RAD51B: variants seen among roughly 807,000 people sequenced by gnomAD.
RAD51B encodes the protein RAD51 paralog B.
RAD51B carries 38 observed loss-of-function variants against 42.2 expected under a neutral mutation model. That is an observed-to-expected ratio of 0.90 (90% CI 0.70 to 1.18). The LOEUF (loss-of-function observed/expected upper bound fraction) is 1.18. RAD51B is among the 50% of genes most tolerant of loss of function. The probability of loss-of-function intolerance (pLI) is 0.00; values close to 1 mark genes in which losing one functional copy is unlikely to be tolerated. For synonymous variants in RAD51B, 154 were observed against 145.2 expected (o/e 1.06, Z -0.43); for missense variants, 373 against 400.7 (o/e 0.93, Z 0.59).
intron 7 of RAD51B, among the ~76,000 whole-genome samples, chr14:68,108,370 T>C (rs1231576013): frequency 6.6e-6 from 1 of 151,970 alleles, no homozygotes. Flanking sequence ...AACACCTAAA[T>C]GTCTCTCAAC....
At chr14:67,973,424 C>A (rs755600644) in intron 7 of RAD51B, among the ~76,000 whole-genome samples, 14 of 152,026 alleles carry the variant, frequency 9.2e-5, no homozygotes, top group South Asian at 2.1e-4. Flanking sequence ...CACACACACA[C>A]AAAAAACTAT....
chr14:67,917,614 G>A (rs1393014003), intron 7 of RAD51B, among the ~76,000 whole-genome samples: 1 of 152,196 alleles, frequency 6.6e-6, no homozygotes, highest in Non-Finnish European at 1.5e-5. Flanking sequence ...AGTATTATCA[G>A]TGAAGATGCT....
intron 7 of RAD51B, among the ~76,000 whole-genome samples, chr14:68,259,970 C>T (rs2080843355): frequency 6.6e-6 from 1 of 152,072 alleles, no homozygotes; most frequent in African/African-American, 2.4e-5. Flanking sequence ...AGCTTTCATT[C>T]CAGTGGAAGA....
intron 7 of RAD51B, among the ~76,000 whole-genome samples, chr14:68,049,950 A>G (rs937022860): frequency 6.6e-6 from 1 of 152,180 alleles, no homozygotes; most frequent in Admixed American, 6.5e-5. Flanking sequence ...AAAGCTTCCT[A>G]TGAAGTCCAG....
Position 68,344,840 on chromosome 14 carries a change from G to A in RAD51B, c.853+52860G>A, listed in dbSNP as rs558893551. Among the ~76,000 whole-genome samples the A allele has an allele frequency of 1.7e-4, 25 of 150,246 alleles. No homozygotes were observed. The South Asian group carries it at 2.7e-3, about 16-fold the overall frequency. On this transcript the variant is annotated intron_variant, in intron 8 of 10. Coordinates refer to ENST00000471583, the MANE Select transcript of RAD51B (RefSeq NM_133510.4). Reference sequence around the variant, plus strand: ...CGGGTGCCTGTAGTCCCAGCTACTCGGGAGGCTGAGGCAGGAGAATGGCGT... The same window carrying A: ...CGGGTGCCTGTAGTCCCAGCTACTCAGGAGGCTGAGGCAGGAGAATGGCGT...
At chr14:68,380,701 T>C (rs1318926339) in intron 8 of RAD51B, among the ~76,000 whole-genome samples, 1 of 152,190 alleles carries the variant, frequency 6.6e-6, no homozygotes, top group African/African-American at 2.4e-5. Context: ...CACCACTACC[T>C]CAGTGTCATT....
At chr14:68,649,958 C>T (rs977702307) in intron 10 of RAD51B, among the ~76,000 whole-genome samples, 6 of 152,190 alleles carry the variant, frequency 3.9e-5, no homozygotes, top group Non-Finnish European at 5.9e-5. Context: ...AGGGCTGCCT[C>T]GCTATGGTGG....
intron 7 of RAD51B, among the ~76,000 whole-genome samples, chr14:68,176,299 A>G (rs532424333): frequency 3.0e-4 from 45 of 152,330 alleles, no homozygotes; most frequent in African/African-American, 1.0e-3. Context: ...AAACTTATCC[A>G]AGATTCACAA....
intron 10 of RAD51B, among the ~76,000 whole-genome samples, chr14:68,564,124 G>A (rs556021580): frequency 1.1e-4 from 17 of 152,184 alleles, no homozygotes; most frequent in African/African-American, 3.6e-4. Context: ...GGTGATTTGC[G>A]TCTTTTTGGA....
chr14:68,593,214 G>A (rs1444195493), intron 10 of RAD51B, among the ~76,000 whole-genome samples: 2 of 152,226 alleles, frequency 1.3e-5, no homozygotes, highest in Non-Finnish European at 2.9e-5. Context: ...TGAGACCGTG[G>A]GCAAGTTAAT....
chr14:67,991,707 C>T (rs1566561700), intron 7 of RAD51B, among the ~76,000 whole-genome samples: 2 of 151,978 alleles, frequency 1.3e-5, no homozygotes, highest in South Asian at 2.1e-4. Context: ...AGATAATATA[C>T]AGTTGAGGAA....
chr14:67,867,908 A>G (rs1235192748), intron 5 of RAD51B, among the ~76,000 whole-genome samples: 1 of 152,260 alleles, frequency 6.6e-6, no homozygotes, highest in Non-Finnish European at 1.5e-5. Context: ...TAAAGGATTA[A>G]TATGATGAAG....
chr14:68,384,432 G>C (rs966550777), intron 8 of RAD51B, among the ~76,000 whole-genome samples: 1 of 152,188 alleles, frequency 6.6e-6, no homozygotes, highest in Non-Finnish European at 1.5e-5. Context: ...TGGAAGCAAT[G>C]ACCATTGGAA....
intron 7 of RAD51B, among the ~76,000 whole-genome samples, chr14:67,929,823 GTT>G (rs569378119): frequency 1.4e-5 from 2 of 144,994 alleles, no homozygotes; most frequent in African/African-American, 5.1e-5. Flanking sequence ...GTGTTTTTTT[GTT>G]TTTTTTAAGA....
At chr14:68,420,211 G>C (rs1236055591) in intron 9 of RAD51B, among the ~76,000 whole-genome samples, 1 of 152,158 alleles carries the variant, frequency 6.6e-6, no homozygotes, top group Non-Finnish European at 1.5e-5. Flanking sequence ...TGTGCTCTGA[G>C]ATGTAAGATG....
intron 11 of RAD51B, among the ~76,000 whole-genome samples, chr14:68,655,424 G>C (rs751975995): frequency 6.6e-6 from 1 of 152,130 alleles, no homozygotes; most frequent in South Asian, 2.1e-4. Flanking sequence ...TGGGGGAAGC[G>C]AGCTACTTCT....
chr14:67,899,539 T>C (rs1411854474), intron 7 of RAD51B, among the ~76,000 whole-genome samples: 1 of 152,234 alleles, frequency 6.6e-6, no homozygotes, highest in Non-Finnish European at 1.5e-5. Flanking sequence ...TAAGCTCCTT[T>C]TAAAATTAAA....
At position 68,258,443 on chromosome 14, in the gene RAD51B, T is replaced by TCACACACA. The variant is rs56704300; in HGVS notation, c.757-33432_757-33425dup. Among the ~76,000 whole-genome samples, 11 of 150,106 alleles carry TCACACACA rather than the reference T, an allele frequency of 7.3e-5. 1 individual carries two copies. Among genetic ancestry groups the TCACACACA allele is most frequent in the African/African-American group, 2.7e-4 (11 of 40,542 alleles). ...CACACACACACACACTCTCTCTCTCTCACACACACACACACAATTTGAAAC... is the reference window on the plus strand; with the variant it reads ...CACACACACACACACTCTCTCTCTCTCACACACACACACACACACACACAATTTGAAAC... On this transcript the variant is annotated intron_variant, in intron 7 of 10. Coordinates refer to ENST00000471583, the MANE Select transcript of RAD51B (RefSeq NM_133510.4).
intron 2 of RAD51B, among the ~76,000 whole-genome samples, chr14:67,824,501 G>A (rs995287911): frequency 1.8e-4 from 28 of 151,710 alleles, no homozygotes; most frequent in African/African-American, 5.8e-4. Context: ...CAAGTGATCC[G>A]CCTCCCTCAG....
Sources: allele counts gnomAD v4.1 joint callset (sites outside exome capture counted in the v4.1 genomes callset), GRCh38; gene constraint gnomAD v4.1.1; transcripts MANE v1.5; gene names NCBI Gene and HGNC (gene_info 2026-07-23, HGNC 2026-07-21).